The following PLEKHA2 variants were observed in gnomAD, a reference collection of about 807,000 sequenced individuals.
PLEKHA2 encodes pleckstrin homology domain containing A2.
In PLEKHA2, 28 loss-of-function variants were observed where a neutral mutation model predicts 53.2. The ratio of observed to expected loss-of-function variants is 0.53; its 90% CI spans 0.39 to 0.72. The LOEUF is 0.72. PLEKHA2 is among the 30% of genes least tolerant of loss of function. The probability of loss-of-function intolerance (pLI) is 0.00; values close to 1 mark genes in which losing one functional copy is unlikely to be tolerated. For missense variants in PLEKHA2, 426 were observed against 537.9 expected, an observed-to-expected ratio of 0.79 and a Z score of 2.06; for synonymous variants, 193 against 196.4, an observed-to-expected ratio of 0.98 and a Z score of 0.14.
intron 3 of PLEKHA2, among the ~76,000 whole-genome samples, chr8:38,940,297 G>A (rs1260466292): frequency 6.6e-6 from 1 of 152,106 alleles, no homozygotes; most frequent in Non-Finnish European, 1.5e-5. Context: ...AACTTGGGAG[G>A]CTGAGGCAGG....
chr8:38,926,605 A>G (rs1244872499), intron 2 of PLEKHA2, among the ~76,000 whole-genome samples: 2 of 152,208 alleles, frequency 1.3e-5, no homozygotes, highest in African/African-American at 2.4e-5. Flanking sequence ...TTGTATCTTT[A>G]TAACAGGATG....
At chr8:38,952,354 C>T (rs1254279130) in intron 7 of PLEKHA2, 42 bp downstream of exon 7, 2 of 1,599,662 alleles carry the variant, frequency 1.3e-6, no homozygotes, top group South Asian at 1.1e-5. Flanking sequence ...TCTGGTGACT[C>T]CTCAGAGCCA....
chr8:38,940,330 C>T (rs1034569337), intron 3 of PLEKHA2, among the ~76,000 whole-genome samples: 5 of 151,758 alleles, frequency 3.3e-5, no homozygotes, highest in Non-Finnish European at 5.9e-5. Context: ...ACCTGGGGGG[C>T]GGAGGTTGTA....
In PLEKHA2 at chr8:38,944,237, G is replaced by A. The variant is rs116702463; in HGVS notation, c.247+400G>A. Among the ~76,000 whole-genome samples the A allele has an allele frequency of 6.1e-3, 932 of 152,132 alleles. 11 individuals are homozygous for A. The highest frequency in any genetic ancestry group is 0.022 in the African/African-American group (893 of 41,494). On this transcript the variant is annotated intron_variant, in intron 4 of 11. Transcript: ENST00000617275. ...ATTTAAAAAGAGAACAGGTTTGCCC[G>A]GGCCTGGTGGCTCACACCTATAATC...
At chr8:38,939,609 C>G (rs1359858227) in intron 3 of PLEKHA2, among the ~76,000 whole-genome samples, 2 of 152,232 alleles carry the variant, frequency 1.3e-5, no homozygotes, top group East Asian at 3.9e-4. Context: ...GTAGCATTCT[C>G]ACAGCACAGG....
chr8:38,924,182 T>C (rs931100431), intron 2 of PLEKHA2, among the ~76,000 whole-genome samples: 1 of 152,104 alleles, frequency 6.6e-6, no homozygotes, highest in Admixed American at 6.6e-5. Flanking sequence ...CTTTGATTGT[T>C]ATACCTACTC....
At chr8:38,966,807 T>C (rs1835145351) in intron 10 of PLEKHA2, among the ~76,000 whole-genome samples, 4 of 152,238 alleles carry the variant, frequency 2.6e-5, no homozygotes, top group Admixed American at 1.3e-4. Context: ...TTTTTTTTTG[T>C]ATAAATTTAA....
rs150722357 is a variant in PLEKHA2, at chr8:38,969,941, CTGTGTGTGTGTGTGTGTGTGTG to C, written c.*174_*195del. The C allele has an allele frequency of 1.5e-6, 1 of 658,170 alleles. No individual in the cohort carries two copies. The highest frequency in any genetic ancestry group is 2.0e-5 in the African/African-American group (1 of 49,590). The allele number at this position is 658,170 out of a possible 1,614,324, so 40.8% of individuals were successfully genotyped here. On this transcript the variant is annotated 3_prime_UTR_variant, in exon 12 of 12. Transcript: ENST00000617275. The stretch of plus-strand genomic sequence containing the variant: ...GGAGGGAGGGGCCCATCCAGCTGGG[CTGTGTGTGTGTGTGTGTGTGTG>C]TGTGTGTGTGTGTGTAATATCAACG...
At chr8:38,969,164 G>A (rs1747655159) in intron 11 of PLEKHA2, among the ~76,000 whole-genome samples, 1 of 152,036 alleles carries the variant, frequency 6.6e-6, no homozygotes. Context: ...GGCTCCCAAA[G>A]TGCTGGGATT....
At chr8:38,951,017 G>A (rs769133669) in intron 6 of PLEKHA2, 27 bp downstream of exon 6, 1 of 1,607,120 alleles carries the variant, frequency 6.2e-7, no homozygotes, top group South Asian at 1.1e-5. Flanking sequence ...GGGCTGCGGG[G>A]GGAGTGGGGG....
intron 5 of PLEKHA2, 198 bp from the exon 6 acceptor site, chr8:38,950,652 G>C (rs1834816234): frequency 3.9e-6 from 2 of 511,974 alleles, no homozygotes; most frequent in African/African-American, 1.9e-5. Context: ...GAGTCAGTTT[G>C]TATCTGTGTA....
intron 10 of PLEKHA2, chr8:38,960,746 T>C (rs1835027035): frequency 6.6e-6 from 1 of 152,188 alleles, no homozygotes; most frequent in South Asian, 2.1e-4. Flanking sequence ...AAAGGAATAT[T>C]TTAATAGCCT....
chr8:38,922,142 A>G lies in PLEKHA2; in HGVS notation c.141+4072A>G, dbSNP rs1473836453. ...ACTCTAACCCCGGCAGTCTAACTCTAGTGCCCCTGCCATTATTGCTGATAA... is the reference window on the plus strand; with the variant it reads ...ACTCTAACCCCGGCAGTCTAACTCTGGTGCCCCTGCCATTATTGCTGATAA... On this transcript the variant is annotated intron_variant, in intron 2 of 11. Coordinates refer to ENST00000617275, the MANE Select transcript of PLEKHA2 (RefSeq NM_021623.2). This position sits in a 1 kb window ranked among gnomAD's most constrained non-coding sequence, Gnocchi z 4.0. Among the ~76,000 whole-genome samples the G allele has an allele frequency of 1.3e-5, 2 of 152,178 alleles. No individual in the cohort carries two copies. The highest frequency in any genetic ancestry group is 2.9e-5 in the Non-Finnish European group (2 of 68,020).
chr8:38,966,054 C>T (rs1835128470), intron 10 of PLEKHA2, among the ~76,000 whole-genome samples: 1 of 152,090 alleles, frequency 6.6e-6, no homozygotes, highest in South Asian at 2.1e-4. Context: ...TGGAAAAAGT[C>T]AAGCGGGGAG....
chr8:38,944,504 G>GA (rs34562479), intron 4 of PLEKHA2, among the ~76,000 whole-genome samples: 61,575 of 149,226 alleles, frequency 0.41, 13,812 homozygotes, highest in African/African-American at 0.59. Flanking sequence ...CTCAAAAAAA[G>GA]AAAAAAAAAA....
At chr8:38,967,916 C>G (rs1183977892) in intron 10 of PLEKHA2, among the ~76,000 whole-genome samples, 2 of 152,170 alleles carry the variant, frequency 1.3e-5, no homozygotes, top group African/African-American at 4.8e-5. Context: ...CCCGCCTCGA[C>G]CTCCCAAGTG....
At chr8:38,926,460 C>G (rs1834291300) in intron 2 of PLEKHA2, among the ~76,000 whole-genome samples, 1 of 149,978 alleles carries the variant, frequency 6.7e-6, no homozygotes, top group Non-Finnish European at 1.5e-5. Context: ...GAGCTCACTG[C>G]TGGATTTGAC....
chr8:38,944,909 A>G (rs2129420994), intron 4 of PLEKHA2, among the ~76,000 whole-genome samples: 1 of 151,458 alleles, frequency 6.6e-6, no homozygotes, highest in Middle Eastern at 3.4e-3. Flanking sequence ...AGTTTCTGTG[A>G]ACCTTATTTT....
chr8:38,913,117 A>G (rs1833979527), intron 1 of PLEKHA2, among the ~76,000 whole-genome samples: 1 of 152,098 alleles, frequency 6.6e-6, no homozygotes, highest in South Asian at 2.1e-4. Context: ...TAATCCCAGC[A>G]CTTTGGGAGG....
Sources: gnomAD v4.1 joint callset for allele counts (sites outside exome capture counted in the v4.1 genomes callset) on GRCh38, gnomAD v4.1.1 for gene constraint, Gnocchi (gnomAD v3.1) non-coding constraint, MANE v1.5 for transcripts, NCBI Gene and HGNC (gene_info 2026-07-23, HGNC 2026-07-21) for gene names.